The following SERPINF2 variants were observed in gnomAD, a reference collection of about 807,000 sequenced individuals.
SERPINF2 encodes the protein serpin family F member 2, also known as alpha-2-antiplasmin.
SERPINF2 carries 15 observed loss-of-function variants against 45.0 expected under a neutral mutation model. The ratio of observed to expected loss-of-function variants is 0.33; its 90% CI spans 0.22 to 0.51. The LOEUF is 0.51. Ranked by LOEUF, SERPINF2 falls within the 20% of genes least tolerant of loss-of-function variation. The pLI is 0.97. For synonymous variants in SERPINF2, 283 were observed against 277.9 expected, an observed-to-expected ratio of 1.02 and a Z score of -0.18; for missense variants, 518 against 637.4, an observed-to-expected ratio of 0.81 and a Z score of 2.02.
chr17:1,754,333 C>T lies in SERPINF2; in HGVS notation c.1275C>T (p.Gly425=). 1 of 1,614,184 alleles carries T rather than the reference C, an allele frequency of 6.2e-7. No homozygotes were observed. Among genetic ancestry groups the T allele is most frequent in the Non-Finnish European group, 8.5e-7 (1 of 1,180,028 alleles). The change falls in exon 10 of 10, where the codon GGC becomes GGT. Residue 425 remains glycine (G), a synonymous_variant. Coordinates refer to ENST00000453066, the MANE Select transcript of SERPINF2 (RefSeq NM_000934.4). ...FLFFIFEDTT[G]LPLFVGSVRN... ...TCTTCATCTTCGAGGACACCACAGG[C>T]CTTCCCCTCTTCGTGGGCAGCGTGA...
intron 8 of SERPINF2, among the ~76,000 whole-genome samples, chr17:1,752,035 GA>G (rs762264127): frequency 1.4e-5 from 2 of 138,354 alleles, no homozygotes; most frequent in Non-Finnish European, 3.3e-5. Context: ...TGTGACAGCG[GA>G]CACTGCTACA....
rs1177457965 is a variant in SERPINF2, at chr17:1,748,519, G to C, written c.716-79G>C. The C allele has an allele frequency of 4.4e-6, 7 of 1,577,718 alleles. No homozygotes were observed. In the African/African-American group the frequency reaches 8.1e-5, roughly 18 times the overall value. ...GGCTGGGGGTGCAGAGCCCAAGCTG[G>C]TCCCCATCGACGTGACCCCTGCCCT... On this transcript the variant is annotated intron_variant, in intron 7 of 9. Coordinates refer to ENST00000453066, the MANE Select transcript of SERPINF2 (RefSeq NM_000934.4).
At position 1,745,282 on chromosome 17, in the gene SERPINF2, TG is replaced by T. The variant is rs1905704682; in HGVS notation, c.103-45del. 4 of 906,444 alleles carry T rather than the reference TG, an allele frequency of 4.4e-6. No homozygotes were observed. The highest frequency in any genetic ancestry group is 6.5e-6 in the Non-Finnish European group (4 of 618,976). The allele number at this position is 906,444 out of a possible 1,614,324, so 56.2% of individuals were successfully genotyped here. A position where few individuals can be genotyped will look rare whatever the true frequency, so the allele number is the denominator to read the frequency against. ...GGTCTCACTGGTGGCTTGGGCAGGGTGGGGGGCCTGTGGGAAGGGTCGGTCT... is the reference window on the plus strand; with the variant it reads ...GGTCTCACTGGTGGCTTGGGCAGGGTGGGGGCCTGTGGGAAGGGTCGGTCT... On this transcript the variant is annotated intron_variant, in intron 3 of 9. Coordinates refer to ENST00000453066, the MANE Select transcript of SERPINF2 (RefSeq NM_000934.4). This position sits in a 1 kb window ranked among gnomAD's most constrained non-coding sequence, Gnocchi z 6.2.
chr17:1,752,920 C>T (rs1244682662), intron 9 of SERPINF2, 130 bp downstream of exon 9: 10 of 821,428 alleles, frequency 1.2e-5, no homozygotes, highest in African/African-American at 6.8e-5. Flanking sequence ...GCTTCGGGAG[C>T]GGGGAGAGGG....
In SERPINF2 at chr17:1,752,819, G is replaced by A. The variant is rs748555514; in HGVS notation, c.1063+29G>A. On this transcript the variant is annotated intron_variant, in intron 9 of 9. Transcript: ENST00000453066. The stretch of plus-strand genomic sequence containing the variant: ...AGGAGGAGGGTGCGGGCGAGCCCCC[G>A]AGGTCAGGCTGGGCAGGGCGGGTAA... 17 of 1,573,720 alleles carry A rather than the reference G, an allele frequency of 1.1e-5. No homozygotes were observed. In the Admixed American group the frequency reaches 1.1e-4, roughly 10 times the overall value.
chr17:1,743,857 C>T (rs190276098), intron 1 of SERPINF2, among the ~76,000 whole-genome samples: 144 of 151,806 alleles, frequency 9.5e-4, no homozygotes, highest in Middle Eastern at 6.8e-3. Context: ...CCCCAGCCAT[C>T]GGGGGAGTGC....
chr17:1,752,838 C>T (rs1597334460), intron 9 of SERPINF2, 48 bp downstream of exon 9: 15 of 1,523,860 alleles, frequency 9.8e-6, no homozygotes, highest in Non-Finnish European at 1.2e-5. Flanking sequence ...CTGGGCAGGG[C>T]GGGTAAGGAG....
At chr17:1,743,071 G>A (rs1379328032) in intron 1 of SERPINF2, 163 bp downstream of exon 1, 3 of 985,344 alleles carry the variant, frequency 3.0e-6, no homozygotes, top group South Asian at 9.4e-5. Context: ...AGATTCTAAT[G>A]CCCAGGTCGG....
rs1906704447 is a variant in SERPINF2, at chr17:1,754,678, T to G, written c.*144T>G. ...TTCTTTCCCAACACCTCTTGGGGAG[T>G]TTAGGGTGGGGGGGGGGCGCGGCTG... is the stretch of plus-strand genomic sequence containing the variant. On this transcript the variant is annotated 3_prime_UTR_variant, in exon 10 of 10. Transcript: ENST00000453066. 128 of 257,004 alleles carry G rather than the reference T, an allele frequency of 5.0e-4. No homozygotes were observed. The highest frequency in any genetic ancestry group is 1.3e-3 in the Middle Eastern group (1 of 748). 15.9% of individuals were successfully genotyped at this position (257,004 alleles called of 1,614,324 possible). A position where few individuals can be genotyped will look rare whatever the true frequency, so the allele number is the denominator to read the frequency against.
Position 1,742,911 on chromosome 17 carries a change from A to G in SERPINF2, c.-5+3A>G, listed in dbSNP as rs1158321909. On this transcript the variant is annotated splice_donor_region_variant and intron_variant, in intron 1 of 9. Transcript: ENST00000453066. ...GTGGCAGCAAGGAGCCCGCAGAGGT[A>G]TGAGGGGAGGGGCTGCTCGGCCTGC... The G allele has an allele frequency of 4.1e-6, 4 of 985,152 alleles. No homozygotes were observed. Among genetic ancestry groups the G allele is most frequent in the Non-Finnish European group, 4.8e-6 (4 of 830,074 alleles). The allele number at this position is 985,152 out of a possible 1,614,324, so 61.0% of individuals were successfully genotyped here. A position where few individuals can be genotyped will look rare whatever the true frequency, so the allele number is the denominator to read the frequency against.
intron 7 of SERPINF2, 140 bp downstream of exon 7, chr17:1,747,652 C>A: frequency 2.2e-6 from 2 of 917,468 alleles, no homozygotes; most frequent in Non-Finnish European, 3.4e-6. Flanking sequence ...GCAACCTCCG[C>A]CTCCCGGATT....
chr17:1,747,798 AGGT>A (rs1220149309), intron 7 of SERPINF2, among the ~76,000 whole-genome samples: 1 of 151,994 alleles, frequency 6.6e-6, no homozygotes, highest in African/African-American at 2.4e-5. Context: ...TCCTGACCTC[AGGT>A]GATCCACCCA....
chr17:1,754,105 T>C lies in SERPINF2; in HGVS notation c.1064-17T>C. ...GGCCAAGGGCAGCTCTGACCAGCCA[T>C]CTCTGGCCCTGGGCAGGCCTGCAGG... On this transcript the variant is annotated splice_polypyrimidine_tract_variant and intron_variant, in intron 9 of 9. Coordinates refer to ENST00000453066, the MANE Select transcript of SERPINF2 (RefSeq NM_000934.4). 6.2e-7 allele frequency: 1 copy of C among 1,602,028 alleles called. No homozygotes were observed. Among genetic ancestry groups the C allele is most frequent in the Non-Finnish European group, 8.5e-7 (1 of 1,179,942 alleles).
rs756584204 is a variant in SERPINF2 at position 1,745,681 on chromosome 17, TC to T, written c.166-24del. The T allele has an allele frequency of 4.4e-6, 7 of 1,609,126 alleles. No homozygotes were observed. The African/African-American group carries it at 9.4e-5, about 22-fold the overall frequency. On this transcript the variant is annotated intron_variant, in intron 4 of 9. Transcript: ENST00000453066. The surrounding 1 kb of genome is among the most constrained non-coding windows in gnomAD (Gnocchi z 6.2). Reference sequence around the variant, plus strand: ...AGAACCTGGAGCTGACCCCTTGACCTCCCTGACCCCTGATCTGTCCCTGCAG... The same window carrying T: ...AGAACCTGGAGCTGACCCCTTGACCTCCTGACCCCTGATCTGTCCCTGCAG...
At position 1,745,419 on chromosome 17, in the gene SERPINF2, A is replaced by G; in HGVS notation, c.165+24A>G. On this transcript the variant is annotated intron_variant, in intron 4 of 9. Transcript: ENST00000453066. The surrounding 1 kb of genome is among the most constrained non-coding windows in gnomAD (Gnocchi z 6.2). ...AGGTACAACCAGGTGGGGCTGGGGAAGAGTGGGCGGGGCTAGAGGGAGGAG... is the reference window on the plus strand; with the variant it reads ...AGGTACAACCAGGTGGGGCTGGGGAGGAGTGGGCGGGGCTAGAGGGAGGAG... 9.7e-7 allele frequency: 1 copy of G among 1,032,716 alleles called. No homozygotes were observed. Among genetic ancestry groups the G allele is most frequent in the Non-Finnish European group, 1.3e-6 (1 of 785,904 alleles). The allele number at this position is 1,032,716 out of a possible 1,614,324, so 64.0% of individuals were successfully genotyped here. A position where few individuals can be genotyped will look rare whatever the true frequency, so the allele number is the denominator to read the frequency against.
At chr17:1,753,401 T>A (rs1243689897) in intron 9 of SERPINF2, among the ~76,000 whole-genome samples, 1 of 151,962 alleles carries the variant, frequency 6.6e-6, no homozygotes, top group African/African-American at 2.4e-5. Context: ...AAAATAAAAA[T>A]AAAGGCCGGG....
Position 1,745,156 on chromosome 17 carries a change from C to T in SERPINF2, c.64-19C>T, listed in dbSNP as rs765921034. ...CTTGGCTCCGAGGGGACCTCCTATC[C>T]TCATCCCTTTCTCCACAGTTCTCCC... On this transcript the variant is annotated intron_variant, in intron 2 of 9. Transcript: ENST00000453066. This position sits in a 1 kb window ranked among gnomAD's most constrained non-coding sequence, Gnocchi z 6.2. 5.1e-6 allele frequency: 8 copies of T among 1,579,334 alleles called. No individual in the cohort carries two copies. The East Asian group carries it at 9.3e-5, about 18-fold the overall frequency.
At position 1,754,585 on chromosome 17, in the gene SERPINF2, T is replaced by C; in HGVS notation, c.*51T>C. The C allele has an allele frequency of 6.4e-7, 1 of 1,567,874 alleles. No individual in the cohort carries two copies. The highest frequency in any genetic ancestry group is 2.3e-5 in the East Asian group (1 of 43,296). On this transcript the variant is annotated 3_prime_UTR_variant, in exon 10 of 10. Coordinates refer to ENST00000453066, the MANE Select transcript of SERPINF2 (RefSeq NM_000934.4). ...TCCCTGCCTGGACCAGCCTCTCCAC[T>C]CATGTGACTCTTTCCAACCGGCTTT...
chr17:1,744,146 C>T (rs1376294498), intron 1 of SERPINF2, among the ~76,000 whole-genome samples: 2 of 151,256 alleles, frequency 1.3e-5, no homozygotes, highest in Non-Finnish European at 3.0e-5. Context: ...CCACCTGCCC[C>T]TGGCCTCCCA....
Sources: allele counts gnomAD v4.1 joint callset (sites outside exome capture counted in the v4.1 genomes callset), GRCh38; gene constraint gnomAD v4.1.1; non-coding constraint Gnocchi (gnomAD v3.1); transcripts MANE v1.5; gene names NCBI Gene and HGNC (gene_info 2026-07-23, HGNC 2026-07-21).